RSRC1: variants seen among roughly 807,000 people sequenced by gnomAD.
The protein encoded by RSRC1 is arginine and serine rich coiled-coil 1, also known as serine/Arginine-related protein 53.
In RSRC1, 39 loss-of-function variants were observed where a neutral mutation model predicts 49.1. That is an observed-to-expected ratio of 0.79 (90% CI 0.61 to 1.04). RSRC1 has a LOEUF of 1.04. RSRC1 is among the 50% of genes least tolerant of loss of function. RSRC1 has a pLI of 0.00. For missense variants in RSRC1, 388 were observed against 402.4 expected (o/e 0.96, Z 0.31); for synonymous variants, 143 against 130.8 (o/e 1.09, Z -0.63).
At chr3:158,290,279 T>G (rs9867426) in intron 4 of RSRC1, among the ~76,000 whole-genome samples, 2,567 of 152,082 alleles carry the variant, frequency 0.017, 67 homozygotes, top group African/African-American at 0.059. Context: ...TTGTTGTGTT[T>G]TGTTTTGTTT....
chr3:158,111,600 A>C (rs571406536), intron 1 of RSRC1, among the ~76,000 whole-genome samples: 2 of 152,310 alleles, frequency 1.3e-5, no homozygotes, highest in Admixed American at 1.3e-4. Flanking sequence ...TTTTGAGATA[A>C]AGAGTTGTGT....
chr3:158,431,606 A>G (rs1283435238), intron 6 of RSRC1, among the ~76,000 whole-genome samples: 6 of 151,902 alleles, frequency 3.9e-5, no homozygotes, highest in African/African-American at 1.4e-4. Flanking sequence ...TTGGTCCTAT[A>G]TTAAATCCTT....
chr3:158,322,255 A>C (rs1728806560), intron 5 of RSRC1, among the ~76,000 whole-genome samples: 1 of 151,554 alleles, frequency 6.6e-6, no homozygotes, highest in African/African-American at 2.4e-5. Flanking sequence ...CCCACCTTCC[A>C]CCCCTCCCAG....
chr3:158,227,836 A>G (rs909682263), intron 4 of RSRC1, among the ~76,000 whole-genome samples: 1 of 152,042 alleles, frequency 6.6e-6, no homozygotes, highest in African/African-American at 2.4e-5. Flanking sequence ...ACCATAGACA[A>G]TAGATGAATA....
At chr3:158,157,473 G>A (rs1717945754) in intron 3 of RSRC1, among the ~76,000 whole-genome samples, 1 of 152,182 alleles carries the variant, frequency 6.6e-6, no homozygotes, top group African/African-American at 2.4e-5. Context: ...TTGGGATTAT[G>A]ACAGTTAAAT....
At chr3:158,412,619 C>T (rs1056596326) in intron 6 of RSRC1, among the ~76,000 whole-genome samples, 1 of 152,086 alleles carries the variant, frequency 6.6e-6, no homozygotes, top group Admixed American at 6.6e-5. Context: ...ATGGTAAGCA[C>T]CTCACTACCA....
intron 3 of RSRC1, among the ~76,000 whole-genome samples, chr3:158,196,127 C>A (rs1320294008): frequency 6.6e-6 from 1 of 151,972 alleles, no homozygotes; most frequent in Non-Finnish European, 1.5e-5. Flanking sequence ...TTCCTACTCA[C>A]GAGCATGGAA....
At chr3:158,513,493 T>C (rs1264687748) in intron 7 of RSRC1, among the ~76,000 whole-genome samples, 1 of 152,210 alleles carries the variant, frequency 6.6e-6, no homozygotes, top group East Asian at 1.9e-4. Flanking sequence ...ATAAGCTTTT[T>C]GATGTGCTGC....
chr3:158,110,329 G>T (rs1334898826), intron 1 of RSRC1, 106 bp downstream of exon 1: 1 of 152,500 alleles, frequency 6.6e-6, no homozygotes, highest in East Asian at 1.9e-4. Flanking sequence ...TTGCGGCTCA[G>T]TGTCTGTGGA....
At chr3:158,426,604 G>A (rs949865612) in intron 6 of RSRC1, among the ~76,000 whole-genome samples, 17 of 151,660 alleles carry the variant, frequency 1.1e-4, no homozygotes, top group East Asian at 9.7e-4. Context: ...ATTAATTTGC[G>A]TGGTATTATA....
intron 5 of RSRC1, among the ~76,000 whole-genome samples, chr3:158,332,560 C>T (rs527621092): frequency 3.3e-5 from 5 of 152,166 alleles, no homozygotes; most frequent in East Asian, 3.9e-4. Flanking sequence ...TTTATGAAAA[C>T]GTGTGATATA....
At chr3:158,386,061 A>T (rs1016227692) in intron 6 of RSRC1, among the ~76,000 whole-genome samples, 1 of 152,110 alleles carries the variant, frequency 6.6e-6, no homozygotes, top group African/African-American at 2.4e-5. Context: ...TTCATCTCTG[A>T]TGAAATGCGT....
chr3:158,259,272 C>A (rs750521627), intron 4 of RSRC1, among the ~76,000 whole-genome samples: 2 of 152,142 alleles, frequency 1.3e-5, no homozygotes, highest in Non-Finnish European at 2.9e-5. Flanking sequence ...TTGGTCATGG[C>A]ATCTATATCT....
chr3:158,288,601 G>C (rs1010319644), intron 4 of RSRC1, among the ~76,000 whole-genome samples: 2 of 152,084 alleles, frequency 1.3e-5, no homozygotes, highest in Admixed American at 6.5e-5. Flanking sequence ...TCTTCCCCCG[G>C]TATCTGTGGG....
intron 3 of RSRC1, among the ~76,000 whole-genome samples, chr3:158,143,601 A>T (rs190867520): frequency 6.3e-4 from 96 of 152,282 alleles, no homozygotes; most frequent in African/African-American, 2.2e-3. Context: ...AGCTTATAAA[A>T]TTTTTTTAGG....
At chr3:158,198,174 C>T (rs1410127047) in intron 3 of RSRC1, among the ~76,000 whole-genome samples, 1 of 151,986 alleles carries the variant, frequency 6.6e-6, no homozygotes, top group Non-Finnish European at 1.5e-5. Context: ...TCTGGGTGCT[C>T]CTGTATTGGG....
chr3:158,264,976 A>T (rs758696191), intron 4 of RSRC1, among the ~76,000 whole-genome samples: 1 of 151,528 alleles, frequency 6.6e-6, no homozygotes, highest in Non-Finnish European at 1.5e-5. Flanking sequence ...TGACTATTTG[A>T]AGATTGCCCT....
chr3:158,334,977 G>A (rs1447112983), intron 5 of RSRC1, among the ~76,000 whole-genome samples: 1 of 151,990 alleles, frequency 6.6e-6, no homozygotes, highest in East Asian at 1.9e-4. Context: ...GCCTACCTTG[G>A]CTCCACAGAG....
intron 5 of RSRC1, among the ~76,000 whole-genome samples, chr3:158,310,975 C>A (rs899214666): frequency 6.6e-6 from 1 of 151,746 alleles, no homozygotes; most frequent in East Asian, 1.9e-4. Context: ...CTACTCTCCT[C>A]GTTTGTCAGT....
Sources: allele counts gnomAD v4.1 joint callset (sites outside exome capture counted in the v4.1 genomes callset), GRCh38; gene constraint gnomAD v4.1.1; transcripts MANE v1.5; gene names NCBI Gene and HGNC (gene_info 2026-07-23, HGNC 2026-07-21).